Variants in SETX observed in about 807,000 individuals in gnomAD.
SETX encodes senataxin, also known as helicase senataxin.
SETX carries 90 observed loss-of-function variants against 227.2 expected under a neutral mutation model. That is an observed-to-expected ratio of 0.40 (90% CI 0.33 to 0.47). The LOEUF is 0.47. SETX is among the 20% of genes least tolerant of loss of function. The pLI is 0.91. For missense variants in SETX, 3,052 were observed against 3,181.5 expected (o/e 0.96, Z 0.98); for synonymous variants, 1,210 against 1,113.2 (o/e 1.09, Z -1.73).
intron 11 of SETX, among the ~76,000 whole-genome samples, chr9:132,304,540 A>G (rs138095861): frequency 1.4e-3 from 217 of 151,908 alleles, no homozygotes; most frequent in African/African-American, 4.4e-3. Flanking sequence ...CCAACATACT[A>G]ATGAAAATTC....
chr9:132,347,626 T>C (rs375610769), intron 3 of SETX, among the ~76,000 whole-genome samples: 11 of 151,306 alleles, frequency 7.3e-5, no homozygotes, highest in African/African-American at 2.7e-4. Context: ...ACTTCTCTTG[T>C]AGAAGTTTTC....
chr9:132,265,235 T>TC (rs1842586238), intron 25 of SETX, among the ~76,000 whole-genome samples: 2 of 147,298 alleles, frequency 1.4e-5, no homozygotes, highest in South Asian at 4.4e-4. Context: ...TTTTTTTTTT[T>TC]TTTTTTTTTG....
chr9:132,355,980 C>T (rs1351088426), upstream of SETX, among the ~76,000 whole-genome samples: 1 of 113,638 alleles, frequency 8.8e-6, no homozygotes, highest in South Asian at 3.3e-4. Context: ...GAGCGAGACT[C>T]TCTCTCCGGA....
intron 22 of SETX, 73 bp downstream of exon 22, chr9:132,276,987 T>C: frequency 7.7e-7 from 1 of 1,292,780 alleles, no homozygotes; most frequent in Non-Finnish European, 1.1e-6. Context: ...GAAATGTATT[T>C]AACAGAAATA....
chr9:132,347,346 G>A (rs546181102), intron 3 of SETX, among the ~76,000 whole-genome samples: 51 of 151,486 alleles, frequency 3.4e-4, no homozygotes, highest in South Asian at 2.1e-4. Flanking sequence ...ACAGAATCTC[G>A]CTGTCGCCCA....
chr9:132,282,317 A>G (rs1241895706), intron 19 of SETX, among the ~76,000 whole-genome samples: 2 of 147,286 alleles, frequency 1.4e-5, no homozygotes, highest in South Asian at 2.1e-4. Flanking sequence ...TTTTTTTGAG[A>G]GAGAGAGTCT....
chr9:132,337,063 T>C (rs1847671436), intron 5 of SETX, among the ~76,000 whole-genome samples: 1 of 152,060 alleles, frequency 6.6e-6, no homozygotes, highest in South Asian at 2.1e-4. Context: ...TAAGACTCCA[T>C]CTCAAAAAAT....
At chr9:132,352,175 A>G (rs1191386345) in intron 2 of SETX, among the ~76,000 whole-genome samples, 1 of 152,166 alleles carries the variant, frequency 6.6e-6, no homozygotes, top group African/African-American at 2.4e-5. Flanking sequence ...AACAATCTTT[A>G]CATTACCAAT....
chr9:132,306,944 T>TC (rs1845370221), intron 11 of SETX, among the ~76,000 whole-genome samples: 1 of 152,230 alleles, frequency 6.6e-6, no homozygotes, highest in African/African-American at 2.4e-5. Context: ...ACCAAAATAC[T>TC]CCCTTTTTAT....
chr9:132,301,167 A>C (rs1008873402), intron 11 of SETX, among the ~76,000 whole-genome samples: 2 of 143,638 alleles, frequency 1.4e-5, no homozygotes, highest in Non-Finnish European at 3.0e-5. Context: ...ATCTCGGGTC[A>C]CTGCAAGCTC....
In SETX at chr9:132,277,167, A is replaced by G; in HGVS notation, c.6843-15T>C. On this transcript the variant is annotated splice_polypyrimidine_tract_variant and intron_variant, in intron 21 of 25. Coordinates refer to ENST00000224140, the MANE Select transcript of SETX (RefSeq NM_015046.7). Reference sequence around the variant, plus strand: ...CTTCTGTCTGTCTGTAAAAAAAAAAAAGCAGTCAACATTCAGAATAAAGTC... The same window carrying G: ...CTTCTGTCTGTCTGTAAAAAAAAAAGAGCAGTCAACATTCAGAATAAAGTC... 1 of 1,601,450 alleles carries G rather than the reference A, an allele frequency of 6.2e-7. No individual in the cohort carries two copies. Among genetic ancestry groups the G allele is most frequent in the Non-Finnish European group, 8.5e-7 (1 of 1,171,320 alleles).
rs915026507 is a variant in SETX, at chr9:132,262,088, G to A, written c.*2151C>T. On this transcript the variant is annotated 3_prime_UTR_variant, in exon 26 of 26. Transcript: ENST00000224140. ...AAAGGCCGTCACAGGACACAGGCTC[G>A]TCTGTTAGAAAGGATGATCTAGTTC... 3.3e-5 allele frequency: 5 copies of A among 152,382 alleles called. No homozygotes were observed. The highest frequency in any genetic ancestry group is 3.8e-4 in the East Asian group (2 of 5,196). The allele number at this position is 152,382 out of a possible 1,614,324, so 9.4% of individuals were successfully genotyped here. A position where few individuals can be genotyped will look rare whatever the true frequency, so the allele number is the denominator to read the frequency against.
At position 132,288,600 on chromosome 9, in the gene SETX, T is replaced by C. The variant is rs1429339677; in HGVS notation, c.6158A>G (p.Asn2053Ser). The change falls in exon 16 of 26, where the codon AAT becomes AGT. Residue 2053 changes from asparagine (N) to serine (S), a missense_variant. By Grantham distance (46) the Asn-to-Ser change is conservative (BLOSUM62 1). Transcript: ENST00000224140. ...LVRLGPEKSI[N>S]SEVLKFSLDS... ...CAAACTGAACTTTAGAACCTCACTA[T>C]TAATAGACTTTTCTGGACCCAGTCG... 6.8e-6 allele frequency: 11 copies of C among 1,613,790 alleles called. No individual in the cohort carries two copies. The highest frequency in any genetic ancestry group is 9.3e-6 in the Non-Finnish European group (11 of 1,179,888).
chr9:132,322,189 A>G (rs1589724348), intron 10 of SETX, among the ~76,000 whole-genome samples: 6 of 152,248 alleles, frequency 3.9e-5, no homozygotes, highest in Admixed American at 3.9e-4. Context: ...AATCAAATTT[A>G]TTCTCTTTTT....
Position 132,271,866 on chromosome 9 carries a change from A to G in SETX, c.7101-58T>C, listed in dbSNP as rs189676262. ...AAAGGAAGATAATTATTAAGTATAC[A>G]TATTTATAAACTAGTTTTTTGGTTT... On this transcript the variant is annotated intron_variant, in intron 23 of 25. Coordinates refer to ENST00000224140, the MANE Select transcript of SETX (RefSeq NM_015046.7). 194 of 1,469,014 alleles carry G rather than the reference A, an allele frequency of 1.3e-4. 1 individual carries two copies. The highest frequency in any genetic ancestry group is 1.0e-3 in the Middle Eastern group (6 of 5,766). 91.0% of individuals were successfully genotyped at this position (1,469,014 alleles called of 1,614,324 possible).
At chr9:132,336,179 C>T in intron 6 of SETX, 117 bp downstream of exon 6, 1 of 830,452 alleles carries the variant, frequency 1.2e-6, no homozygotes, top group South Asian at 1.4e-5. Flanking sequence ...GGAGGTGGAG[C>T]TTGCGGTGAG....
Position 132,286,391 on chromosome 9 carries a change from A to T in SETX, c.6396+32T>A. ...TAAATTTTAAAAAGAAAAAAAAAAA[A>T]ATCAAGAAAATGCTACAGGTGAACT... On this transcript the variant is annotated intron_variant, in intron 18 of 25. Coordinates refer to ENST00000224140, the MANE Select transcript of SETX (RefSeq NM_015046.7). 4.0e-6 allele frequency: 6 copies of T among 1,515,820 alleles called. No individual in the cohort carries two copies. The South Asian group carries it at 7.2e-5, about 18-fold the overall frequency. The allele number at this position is 1,515,820 out of a possible 1,614,324, so 93.9% of individuals were successfully genotyped here.
intron 10 of SETX, among the ~76,000 whole-genome samples, chr9:132,318,123 C>T (rs932362008): frequency 9.2e-5 from 14 of 152,174 alleles, no homozygotes; most frequent in African/African-American, 3.1e-4. Context: ...AGCTTGCCTA[C>T]ACGTTCTTCA....
At chr9:132,276,220 C>T (rs1234665778) in intron 22 of SETX, among the ~76,000 whole-genome samples, 1 of 152,184 alleles carries the variant, frequency 6.6e-6, no homozygotes, top group Admixed American at 6.5e-5. Flanking sequence ...CGATCTCTTC[C>T]ATCCCTGAAA....
Sources: gnomAD v4.1 joint callset for allele counts (sites outside exome capture counted in the v4.1 genomes callset) on GRCh38, gnomAD v4.1.1 for gene constraint, MANE v1.5 for transcripts, NCBI Gene and HGNC (gene_info 2026-07-23, HGNC 2026-07-21) for gene names.